KIAA1210: variants seen among roughly 807,000 people sequenced by gnomAD.
The protein encoded by KIAA1210 is acrosomal protein KIAA1210.
In KIAA1210, 48 loss-of-function variants were observed where a neutral mutation model predicts 78.9. That is an observed-to-expected ratio of 0.61 (90% confidence interval 0.48 to 0.77). The LOEUF is 0.77. Ranked by LOEUF, KIAA1210 falls within the 30% of genes least tolerant of loss-of-function variation. The pLI is 0.00. For synonymous variants in KIAA1210, 406 were observed against 404.5 expected (o/e 1.00, Z -0.04); for missense variants, 1,108 against 1,100.0 (o/e 1.01, Z -0.10).
intron 6 of KIAA1210, among the ~76,000 whole-genome samples, chrX:119,103,486 G>A (rs1202136839): frequency 9.0e-6 from 1 of 111,716 alleles, no homozygotes; most frequent in Admixed American, 9.5e-5. Flanking sequence ...CTCATACATT[G>A]CTAGTGGGGA....
chrX:119,085,352 G>C, intron 10 of KIAA1210, 31 bp downstream of exon 10: 1 of 1,173,689 alleles, frequency 8.5e-7, no homozygotes, highest in Admixed American at 2.5e-5. Context: ...CAACCTTTTT[G>C]GAGTGTTTTA....
intron 2 of KIAA1210, among the ~76,000 whole-genome samples, chrX:119,139,843 C>A (rs1375235928): frequency 8.9e-6 from 1 of 112,080 alleles, no homozygotes; most frequent in South Asian, 3.7e-4. Context: ...ATAAACACCT[C>A]TAAGATGTGA....
intron 2 of KIAA1210, among the ~76,000 whole-genome samples, chrX:119,141,737 G>A (rs1441381004): frequency 8.9e-6 from 1 of 112,179 alleles, no homozygotes; most frequent in Non-Finnish European, 1.9e-5. Context: ...CAGAACCTCA[G>A]ACTAATGCAG....
chrX:119,093,658 T>G lies in KIAA1210; in HGVS notation c.955+9A>C, dbSNP rs770952919. On this transcript the variant is annotated intron_variant, in intron 8 of 11. Coordinates refer to ENST00000691062, the MANE Select transcript of KIAA1210 (RefSeq NM_001394962.1). Reference sequence around the variant, plus strand: ...ACATGTTTCTGGGTGAGGGTGAAGATATGCTAACCTGCACTGTCCATTCCC... The same window carrying G: ...ACATGTTTCTGGGTGAGGGTGAAGAGATGCTAACCTGCACTGTCCATTCCC... 4 of 1,163,432 alleles carry G rather than the reference T, an allele frequency of 3.4e-6. No homozygotes were observed. The highest frequency in any genetic ancestry group is 3.5e-6 in the Non-Finnish European group (3 of 856,242).
At chrX:119,100,762 C>T (rs967697538) in intron 6 of KIAA1210, among the ~76,000 whole-genome samples, 17 of 112,017 alleles carry the variant, frequency 1.5e-4, no homozygotes, top group Non-Finnish European at 2.8e-4. Context: ...ATGTTTATTT[C>T]CCACACTCTA....
Position 119,089,447 on chromosome X carries a change from C to T in KIAA1210, c.1255G>A (p.Glu419Lys), listed in dbSNP as rs1158367171. 8.3e-7 allele frequency: 1 copy of T among 1,211,811 alleles called. No homozygotes were observed. The highest frequency in any genetic ancestry group is 1.7e-5 in the African/African-American group (1 of 57,845). ...SHLSLEKDNM[E>K]QPTTSQPETT... ...TCTGGTTGTGAAGTTGTAGGCTGCT[C>T]CATGTTGTCCTTCTCTAAGGACAAG... The change falls in exon 9 of 12, where the codon GAG becomes AAG. Residue 419 changes from glutamate (E) to lysine (K), a missense_variant. Coordinates refer to ENST00000691062, the MANE Select transcript of KIAA1210 (RefSeq NM_001394962.1).
chrX:119,139,755 G>A (rs1013442478), intron 2 of KIAA1210, among the ~76,000 whole-genome samples: 4 of 111,825 alleles, frequency 3.6e-5, no homozygotes, highest in African/African-American at 1.3e-4. Flanking sequence ...GTAGGACAGG[G>A]CAAGTGTGGT....
chrX:119,116,091 C>A (rs1054038614), intron 3 of KIAA1210, among the ~76,000 whole-genome samples: 2 of 111,959 alleles, frequency 1.8e-5, no homozygotes, highest in African/African-American at 6.5e-5. Context: ...GCAAGCAAAC[C>A]AGACCAAGCC....
exon 1 of KIAA1210, chrX:119,150,438 T>C: frequency 8.3e-7 from 1 of 1,211,749 alleles, no homozygotes; most frequent in Non-Finnish European, 1.1e-6. Context: ...CAAAGACAAC[T>C]GCAACAGCCT....
intron 1 of KIAA1210, among the ~76,000 whole-genome samples, chrX:119,124,275 A>G (rs58879642): frequency 0.029 from 3,228 of 112,479 alleles, 99 homozygotes; most frequent in African/African-American, 0.092. Flanking sequence ...GGCATGAGCC[A>G]CTGTGCCCAG....
At position 119,086,980 on chromosome X, in the gene KIAA1210, T is replaced by C; in HGVS notation, c.3722A>G (p.Asn1241Ser). 8.3e-7 allele frequency: 1 copy of C among 1,210,430 alleles called. No individual in the cohort carries two copies. The highest frequency in any genetic ancestry group is 3.0e-5 in the East Asian group (1 of 33,817). The change falls in exon 9 of 12, where the codon AAC becomes AGC. Residue 1241 changes from asparagine (N) to serine (S), a missense_variant. Physicochemically the swap from Asn to Ser is conservative, Grantham distance 46. Around this residue, in one of 5 missense-constraint regions of KIAA1210, gnomAD observed 245 missense variants for 278.8 expected, o/e 0.88. Coordinates refer to ENST00000691062, the MANE Select transcript of KIAA1210 (RefSeq NM_001394962.1). ...KTKKFSQGSK[N>S]PIKSIPAPAT... Reference sequence around the variant, plus strand: ...AGGGGCTGGAATGCTCTTTATGGGGTTTTTGGAACCTTGGCTGAATTTCTT... The same window carrying C: ...AGGGGCTGGAATGCTCTTTATGGGGCTTTTGGAACCTTGGCTGAATTTCTT...
rs1287841779 is a variant in KIAA1210 at position 119,083,102 on chromosome X, C to T, written c.4339G>A (p.Glu1447Lys). 8.3e-7 allele frequency: 1 copy of T among 1,204,146 alleles called. No individual in the cohort carries two copies. Among genetic ancestry groups the T allele is most frequent in the South Asian group, 1.8e-5 (1 of 55,660 alleles). ...PKYEGAGSANENQPKKMFTSS... is the reference protein window; with the variant it reads ...PKYEGAGSANKNQPKKMFTSS... The stretch of plus-strand genomic sequence containing the variant: ...GTGAACATCTTTTTAGGTTGGTTTT[C>T]ATTTGCAGAGCCAGCTCCCTTTAAT... Residue 1447 changes from glutamate (E) to lysine (K), a missense_variant, in exon 11 of 12, where the codon GAA becomes AAA. Coordinates refer to ENST00000691062, the MANE Select transcript of KIAA1210 (RefSeq NM_001394962.1).
At chrX:119,114,631 CT>C (rs1295799173) in intron 3 of KIAA1210, among the ~76,000 whole-genome samples, 4 of 112,240 alleles carry the variant, frequency 3.6e-5, no homozygotes, top group Non-Finnish European at 7.5e-5. Flanking sequence ...GCCTCCTCTG[CT>C]TTTTGCAGAA....
chrX:119,134,166 T>C (rs1045756442), intron 2 of KIAA1210, among the ~76,000 whole-genome samples: 11 of 111,896 alleles, frequency 9.8e-5, no homozygotes, highest in Admixed American at 6.6e-4. Flanking sequence ...ACTATCATTC[T>C]ACTCTCTACC....
upstream of KIAA1210, among the ~76,000 whole-genome samples, chrX:119,128,260 T>C (rs1928699161): frequency 9.0e-6 from 1 of 111,630 alleles, no homozygotes; most frequent in Non-Finnish European, 1.9e-5. Context: ...AATAGTATAT[T>C]TTACATTATT....
intron 2 of KIAA1210, among the ~76,000 whole-genome samples, chrX:119,133,619 C>A (rs961997957): frequency 9.1e-6 from 1 of 110,178 alleles, no homozygotes; most frequent in South Asian, 4.0e-4. Flanking sequence ...AGCACCCTCA[C>A]GGGAACCTGG....
At chrX:119,110,117 C>T (rs947009502) in intron 3 of KIAA1210, among the ~76,000 whole-genome samples, 3 of 111,680 alleles carry the variant, frequency 2.7e-5, no homozygotes, top group African/African-American at 9.8e-5. Context: ...CAAAAATCCT[C>T]AATAACACAC....
chrX:119,098,604 C>CAA (rs747325732), intron 6 of KIAA1210, among the ~76,000 whole-genome samples: 528 of 39,708 alleles, frequency 0.013, 13 homozygotes, highest in African/African-American at 0.042. Context: ...GAGACTCCGT[C>CAA]AAAAAAAAAA....
intron 4 of KIAA1210, among the ~76,000 whole-genome samples, chrX:119,108,842 CAAA>C (rs3049062): frequency 8.5e-5 from 6 of 70,519 alleles, no homozygotes; most frequent in Non-Finnish European, 5.7e-5. Context: ...AGACCTGTCT[CAAA>C]AAAAAAAAAA....
Sources: gnomAD v4.1 joint callset for allele counts (sites outside exome capture counted in the v4.1 genomes callset) on GRCh38, gnomAD v4.1.1 for gene constraint, gnomAD v4.1.1 regional missense constraint, MANE v1.5 for transcripts, NCBI Gene and HGNC (gene_info 2026-07-23, HGNC 2026-07-21) for gene names.